Variants in TAOK2 observed in about 807,000 individuals in gnomAD.
The protein encoded by TAOK2 is serine/threonine-protein kinase TAO2.
TAOK2 carries 42 observed loss-of-function variants against 122.5 expected under a neutral mutation model. The ratio of observed to expected loss-of-function variants is 0.34; its 90% confidence interval spans 0.27 to 0.44. The LOEUF (loss-of-function observed/expected upper bound fraction) is 0.44, where lower values mean the gene tolerates loss of function less well. Among genes scored for constraint, TAOK2 ranks in the 20% least tolerant of loss-of-function variants. The pLI, the probability that TAOK2 is intolerant of heterozygous loss-of-function variation, is 1.00. For synonymous variants in TAOK2, 704 were observed against 677.6 expected (o/e 1.04, Z -0.61); for missense variants, 1,264 against 1,644.9 (o/e 0.77, Z 4.01).
intron 1 of TAOK2, among the ~76,000 whole-genome samples, chr16:29,977,047 T>C (rs1009907099): frequency 2.0e-5 from 3 of 152,202 alleles, no homozygotes; most frequent in African/African-American, 7.2e-5. Flanking sequence ...ATTTGTACCC[T>C]GCAAATGTCC....
Position 29,985,115 on chromosome 16 carries a change from T to C in TAOK2, c.1423-98T>C. 1 of 1,384,070 alleles carries C rather than the reference T, an allele frequency of 7.2e-7. No individual in the cohort carries two copies. The highest frequency in any genetic ancestry group is 9.4e-7 in the Non-Finnish European group (1 of 1,062,234). The allele number at this position is 1,384,070 out of a possible 1,614,324, so 85.7% of individuals were successfully genotyped here. On this transcript the variant is annotated intron_variant, in intron 13 of 15. Coordinates refer to ENST00000308893, the MANE Select transcript of TAOK2 (RefSeq NM_016151.4). The surrounding 1 kb of genome is among the most constrained non-coding windows in gnomAD (Gnocchi z 6.9). ...AGGTGTTAAATGAGAATGAAACCCA[T>C]GAGTTGAAAACCCATGCTCTTCCCC...
downstream of TAOK2, chr16:29,991,752 T>C (rs2069974030): frequency 1.3e-6 from 1 of 747,568 alleles, no homozygotes; most frequent in Non-Finnish European, 1.9e-6. The surrounding 1 kb of genome is among the most constrained non-coding windows in gnomAD (Gnocchi z 5.6). Context: ...AGCTTGGCGA[T>C]AGGTGCCTCA....
Position 29,983,597 on chromosome 16 carries a change from C to T in TAOK2, c.1355C>T (p.Ser452Phe). ...PAAPAPTSTT[S>F]SARRRAYCRN... ...GCCCCAGCTCCCACTTCCACCACCT[C>T]TTCCGCCCGCCGCCGGGCCTACTGC... Residue 452 changes from serine (S) to phenylalanine (F), a missense_variant, in exon 13 of 16, where the codon TCT (serine) becomes TTT (phenylalanine). By Grantham distance (155) the Ser-to-Phe change is radical (BLOSUM62 -2). Around this residue, in one of 4 missense-constraint regions of TAOK2, gnomAD observed 122 missense variants for 116.7 expected, o/e 1.04. Coordinates refer to ENST00000308893, the MANE Select transcript of TAOK2 (RefSeq NM_016151.4). 3.1e-6 allele frequency: 5 copies of T among 1,613,968 alleles called. No homozygotes were observed. The South Asian group carries it at 3.3e-5, about 11-fold the overall frequency.
intron 11 of TAOK2, 39 bp downstream of exon 11, chr16:29,982,940 T>C (rs2069662077): frequency 1.9e-6 from 3 of 1,610,090 alleles, no homozygotes; most frequent in Non-Finnish European, 2.5e-6. Context: ...TTATACCCCA[T>C]GTGTGCCTGC....
downstream of TAOK2, chr16:29,991,473 G>A: frequency 6.7e-7 from 1 of 1,491,414 alleles, no homozygotes; most frequent in Middle Eastern, 2.0e-4. This position sits in a 1 kb window ranked among gnomAD's most constrained non-coding sequence, Gnocchi z 5.6. Context: ...CAGTGAGAAT[G>A]TGGGCCCCCC....
chr16:29,991,500 G>C (rs758475419), downstream of TAOK2: 2 of 1,478,620 alleles, frequency 1.4e-6, no homozygotes, highest in Middle Eastern at 2.0e-4. The surrounding 1 kb of genome is among the most constrained non-coding windows in gnomAD (Gnocchi z 5.6). Flanking sequence ...CGCGGTGCCC[G>C]GGCCCCTGAG....
chr16:29,978,458 T>C, intron 4 of TAOK2, 105 bp downstream of exon 4: 1 of 1,272,844 alleles, frequency 7.9e-7, no homozygotes, highest in Non-Finnish European at 1.1e-6. Flanking sequence ...TGTTGTGGGA[T>C]CTTGGGAAGG....
At position 29,977,870 on chromosome 16, in the gene TAOK2, A is replaced by C; in HGVS notation, c.98A>C (p.Glu33Ala). 1 of 1,614,110 alleles carries C rather than the reference A, an allele frequency of 6.2e-7. No individual in the cohort carries two copies. Among genetic ancestry groups the C allele is most frequent in the Non-Finnish European group, 8.5e-7 (1 of 1,180,010 alleles). ...DPEKLFSDLREIGHGSFGAVY... is the reference protein window; with the variant it reads ...DPEKLFSDLRAIGHGSFGAVY... ...GAAAAGCTCTTCTCTGACCTCCGGG[A>C]AATTGGCCATGGCAGCTTTGGAGCC... The change falls in exon 2 of 16, where the codon GAA becomes GCA. Residue 33 changes from glutamate (E) to alanine (A), a missense_variant. This residue lies in a region of TAOK2 where 254 missense variants were observed against 503.8 expected (regional missense o/e 0.50). Coordinates refer to ENST00000308893, the MANE Select transcript of TAOK2 (RefSeq NM_016151.4).
Position 29,978,080 on chromosome 16 carries a change from G to C in TAOK2, c.133-9G>C, listed in dbSNP as rs1407080057. On this transcript the variant is annotated splice_polypyrimidine_tract_variant and intron_variant, in intron 2 of 15. Transcript: ENST00000308893. ...GGGGCCTTCAACACCTTCTGGTCTGGTCCTCTAGGCCCGGGATGTCCGGAA... is the reference window on the plus strand; with the variant it reads ...GGGGCCTTCAACACCTTCTGGTCTGCTCCTCTAGGCCCGGGATGTCCGGAA... 3 of 1,614,092 alleles carry C rather than the reference G, an allele frequency of 1.9e-6. No individual in the cohort carries two copies. In the South Asian group the frequency reaches 3.3e-5, roughly 18 times the overall value.
chr16:29,980,763 G>A (rs1176921477), intron 8 of TAOK2: 1 of 152,168 alleles, frequency 6.6e-6, no homozygotes, highest in Non-Finnish European at 1.5e-5. Flanking sequence ...TGGAAGAGAT[G>A]TGGATACAGA....
At chr16:29,989,538 TTCC>T (rs1336288297), downstream of TAOK2, 8 of 1,604,568 alleles carry the variant, frequency 5.0e-6, no homozygotes, top group South Asian at 1.1e-5. Flanking sequence ...CTTCCTCCTC[TTCC>T]TCCTCCTCTT....
chr16:29,988,412 C>T, downstream of TAOK2: 1 of 1,295,074 alleles, frequency 7.7e-7, no homozygotes, highest in Middle Eastern at 2.1e-4. Context: ...TTGGCCCAGG[C>T]TGCCTCTGTC....
In TAOK2 at chr16:29,979,179, A is replaced by G. The variant is rs1228322871; in HGVS notation, c.450-16A>G. ...CTTGAGACACATGTCTCATCCCTGT[A>G]CTTTGCCTCTGGCAGGGATGTGAAG... is the stretch of plus-strand genomic sequence containing the variant. On this transcript the variant is annotated splice_polypyrimidine_tract_variant and intron_variant, in intron 6 of 15. Coordinates refer to ENST00000308893, the MANE Select transcript of TAOK2 (RefSeq NM_016151.4). The surrounding 1 kb of genome is among the most constrained non-coding windows in gnomAD (Gnocchi z 4.1). The G allele has an allele frequency of 1.2e-6, 2 of 1,613,912 alleles. No homozygotes were observed. Among genetic ancestry groups the G allele is most frequent in the African/African-American group, 1.3e-5 (1 of 75,024 alleles).
downstream of TAOK2, chr16:29,988,458 C>T (rs779165792): frequency 7.3e-6 from 9 of 1,237,020 alleles, no homozygotes; most frequent in South Asian, 1.4e-5. Context: ...CCGGTATGCC[C>T]CCAGGCTGAC....
chr16:29,984,454 T>A (rs1185110960), intron 13 of TAOK2, among the ~76,000 whole-genome samples: 11 of 152,340 alleles, frequency 7.2e-5, no homozygotes, highest in African/African-American at 2.6e-4. Context: ...CATTTGAGCG[T>A]CAACAATCCC....
At position 29,986,790 on chromosome 16, in the gene TAOK2, T is replaced by G. The variant is rs117592185; in HGVS notation, c.2518T>G (p.Trp840Gly). 2 of 1,613,768 alleles carry G rather than the reference T, an allele frequency of 1.2e-6. No individual in the cohort carries two copies. The highest frequency in any genetic ancestry group is 1.7e-6 in the Non-Finnish European group (2 of 1,179,830). ...KHGSLVDEEV[W>G]GLPEEIEELR... ...TGGGAGCCTGGTTGATGAGGAAGTTTGGGGTCTGCCTGAGGAGATAGAGGA... is the reference window on the plus strand; with the variant it reads ...TGGGAGCCTGGTTGATGAGGAAGTTGGGGGTCTGCCTGAGGAGATAGAGGA... Residue 840 changes from tryptophan to glycine, a missense_variant, in exon 16 of 16, where the codon TGG becomes GGG. Transcript: ENST00000308893. The surrounding 1 kb of genome is among the most constrained non-coding windows in gnomAD (Gnocchi z 4.2).
At chr16:29,978,774 T>A (rs2069532340) in intron 4 of TAOK2, 25 bp from the exon 5 acceptor site, 11 of 1,613,992 alleles carry the variant, frequency 6.8e-6, no homozygotes, top group Non-Finnish European at 9.3e-6. Context: ...GAGACTCTGA[T>A]CTCTGACCCT....
Position 29,985,456 on chromosome 16 carries a change from G to A in TAOK2, c.1666G>A (p.Ala556Thr). ...GGCCATAGGTGAGAAGGAGGCACGA[G>A]CTGCCCAGGCCGAGGAGCGGAAGTT... Reference protein sequence around the residue: ...HQAIGEKEARAAQAEERKFQQ... With the variant: ...HQAIGEKEARTAQAEERKFQQ... Residue 556 changes from alanine (A) to threonine (T), a missense_variant, in exon 14 of 16, where the codon GCT becomes ACT. By Grantham distance (58) the Ala-to-Thr change is moderately conservative (BLOSUM62 0). Coordinates refer to ENST00000308893, the MANE Select transcript of TAOK2 (RefSeq NM_016151.4). This position sits in a 1 kb window ranked among gnomAD's most constrained non-coding sequence, Gnocchi z 6.9. 1 of 1,612,156 alleles carries A rather than the reference G, an allele frequency of 6.2e-7. No individual in the cohort carries two copies. Among genetic ancestry groups the A allele is most frequent in the Non-Finnish European group, 8.5e-7 (1 of 1,179,246 alleles).
At chr16:29,983,690 C>T (rs2150896164) in intron 13 of TAOK2, 26 bp downstream of exon 13, 3 of 1,585,686 alleles carry the variant, frequency 1.9e-6, no homozygotes, top group Non-Finnish European at 2.6e-6. Context: ...CTCACTCAGC[C>T]TGCTCGCTGT....
Sources: allele counts gnomAD v4.1 joint callset (sites outside exome capture counted in the v4.1 genomes callset), GRCh38; gene constraint gnomAD v4.1.1; regional missense constraint gnomAD v4.1.1; non-coding constraint Gnocchi (gnomAD v3.1); transcripts MANE v1.5; gene names NCBI Gene and HGNC (gene_info 2026-07-23, HGNC 2026-07-21).